FRK: variants seen among roughly 807,000 people sequenced by gnomAD.
The protein encoded by FRK is tyrosine-protein kinase FRK.
A neutral mutation model predicts 56.4 loss-of-function variants in FRK; 51 were observed. The observed-to-expected ratio is 0.90, with a 90% confidence interval of 0.72 to 1.14. FRK has a LOEUF of 1.14. Among genes scored for constraint, FRK ranks in the 50% most tolerant of loss-of-function variants. The pLI, the probability that FRK is intolerant of heterozygous loss-of-function variation, is 0.00. For synonymous variants in FRK, 245 were observed against 217.9 expected (o/e 1.12, Z -1.10); for missense variants, 570 against 601.4 (o/e 0.95, Z 0.55).
At chr6:116,081,911 G>A in the FRK span, among the ~76,000 whole-genome samples, 32 of 152,180 alleles carry the variant, frequency 2.1e-4, no homozygotes, top group African/African-American at 7.5e-4. Flanking sequence ...TATAGTGGGA[G>A]GGGAGAGAAT....
rs1772111533 is a variant in FRK, at chr6:115,939,299, A to C, written c.*3115T>G. ...AATTCAACACCCCTTCATACTAAAA[A>C]CTCTCAATAAACTAGGTATTGATGG... On this transcript the variant is annotated 3_prime_UTR_variant, in exon 8 of 8. Transcript: ENST00000606080. The C allele has an allele frequency of 6.6e-6, 1 of 152,086 alleles. No individual in the cohort carries two copies. The highest frequency in any genetic ancestry group is 1.5e-5 in the Non-Finnish European group (1 of 68,004). 9.4% of individuals were successfully genotyped at this position (152,086 alleles called of 1,614,324 possible). A position where few individuals can be genotyped will look rare whatever the true frequency, so the allele number is the denominator to read the frequency against.
At chr6:116,010,414 G>A (rs990448129) in intron 1 of FRK, among the ~76,000 whole-genome samples, 3 of 152,098 alleles carry the variant, frequency 2.0e-5, no homozygotes, top group African/African-American at 7.2e-5. Flanking sequence ...GGTCAATCAG[G>A]AACATGCTAC....
rs557727758 is a variant in FRK, at chr6:116,022,730, A to T, written c.345-18732T>A. On this transcript the variant is annotated intron_variant, in intron 1 of 7. Coordinates refer to ENST00000606080, the MANE Select transcript of FRK (RefSeq NM_002031.3). ...ACTCAATGGTAAACTAAGAACAGAC[A>T]AGAGCTACAAGCAGTTTTATATACA... is the stretch of plus-strand genomic sequence containing the variant. Among the ~76,000 whole-genome samples the T allele has an allele frequency of 9.8e-5, 15 of 152,306 alleles. No homozygotes were observed. In the South Asian group the frequency reaches 2.9e-3, roughly 29 times the overall value.
In FRK at chr6:115,983,627, C is replaced by T. The variant is rs1209522833; in HGVS notation, c.467-14888G>A. Among the ~76,000 whole-genome samples the T allele has an allele frequency of 2.0e-5, 3 of 152,124 alleles. No homozygotes were observed. In the East Asian group the frequency reaches 5.8e-4, roughly 29 times the overall value. On this transcript the variant is annotated intron_variant, in intron 2 of 7. Coordinates refer to ENST00000606080, the MANE Select transcript of FRK (RefSeq NM_002031.3). ...TTGACTCCTCTCTCTCAATGAATGG[C>T]ACTGCTATTCTGAAACCCAGACATG...
chr6:116,070,024 G>A, the FRK span, among the ~76,000 whole-genome samples: 2 of 151,334 alleles, frequency 1.3e-5, no homozygotes, highest in African/African-American at 2.4e-5. Context: ...TATCACCCAC[G>A]TTTGAAAGCA....
At chr6:115,958,712 A>AAAGAAAGAAGG (rs1562257489) in intron 4 of FRK, among the ~76,000 whole-genome samples, 9 of 16,520 alleles carry the variant, frequency 5.4e-4, no homozygotes, top group African/African-American at 2.2e-3. Flanking sequence ...AAGAAGAAAG[A>AAAGAAAGAAGG]AAGAAAGAAA....
At chr6:115,943,442 T>C (rs1772282762) in intron 6 of FRK, among the ~76,000 whole-genome samples, 1 of 150,908 alleles carries the variant, frequency 6.6e-6, no homozygotes, top group Non-Finnish European at 1.5e-5. Flanking sequence ...TCTACTACAT[T>C]TGGAGAATTA....
chr6:115,997,835 C>G (rs1242496224), intron 2 of FRK, among the ~76,000 whole-genome samples: 1 of 152,172 alleles, frequency 6.6e-6, no homozygotes, highest in African/African-American at 2.4e-5. Context: ...CTAGGCCTGT[C>G]CCACTGTCAC....
chr6:115,946,132 C>T (rs1288564969), intron 5 of FRK, among the ~76,000 whole-genome samples: 1 of 152,052 alleles, frequency 6.6e-6, no homozygotes, highest in Admixed American at 6.6e-5. Flanking sequence ...TATATATCCC[C>T]GTCTCAATAA....
In FRK at chr6:115,942,623, T is replaced by C; in HGVS notation, c.1309A>G (p.Met437Val). The C allele has an allele frequency of 2.5e-6, 4 of 1,612,442 alleles. No individual in the cohort carries two copies. The highest frequency in any genetic ancestry group is 3.4e-6 in the Non-Finnish European group (4 of 1,178,758). ...ATCTGGATTACCTGGGCACCTGTCA[T>C]ACCTTGAAAATACAGAACGAAACCA... ...ITYGKMPYSG[M>V]TGAQVIQMLA... The change falls in exon 8 of 8, where the codon ATG becomes GTG. Residue 437 changes from methionine (M) to valine (V), a missense_variant and splice_region_variant. Met to Val is a conservative substitution (Grantham distance 21). Transcript: ENST00000606080.
At chr6:116,081,676 T>C in the FRK span, among the ~76,000 whole-genome samples, 1 of 151,630 alleles carries the variant, frequency 6.6e-6, no homozygotes. Flanking sequence ...TATATATATA[T>C]ATTCCACAGA....
intron 5 of FRK, 57 bp from the exon 6 acceptor site, chr6:115,944,482 G>A (rs1293651642): frequency 5.2e-5 from 73 of 1,402,624 alleles, no homozygotes; most frequent in Non-Finnish European, 6.9e-5. Context: ...AACTATGAAA[G>A]TGAATTCTGA....
At chr6:116,021,250 C>T (rs930654779) in intron 1 of FRK, among the ~76,000 whole-genome samples, 2 of 150,956 alleles carry the variant, frequency 1.3e-5, no homozygotes, top group African/African-American at 4.9e-5. Context: ...CAAACGTAGA[C>T]CAGTATAAAA....
chr6:116,043,233 C>T (rs897900150), intron 1 of FRK, among the ~76,000 whole-genome samples: 2 of 152,070 alleles, frequency 1.3e-5, no homozygotes, highest in Non-Finnish European at 2.9e-5. Flanking sequence ...CTTGACCAAG[C>T]GGACCTAATA....
At chr6:116,079,899 A>C in the FRK span, among the ~76,000 whole-genome samples, 3 of 152,176 alleles carry the variant, frequency 2.0e-5, no homozygotes, top group African/African-American at 7.2e-5. Flanking sequence ...TTATTCTAAG[A>C]TTATGAAAAT....
chr6:115,995,148 C>A (rs939091635), intron 2 of FRK, among the ~76,000 whole-genome samples: 5 of 152,070 alleles, frequency 3.3e-5, no homozygotes, highest in Non-Finnish European at 5.9e-5. Context: ...GAGTATCTAC[C>A]CAGATTCTAA....
At chr6:116,081,751 ATAT>A in the FRK span, among the ~76,000 whole-genome samples, 2 of 151,534 alleles carry the variant, frequency 1.3e-5, no homozygotes, top group Non-Finnish European at 2.9e-5. Context: ...GGGTCAACTG[ATAT>A]TATTAAGAGA....
rs1771953257 is a variant in FRK at position 115,931,240 on chromosome 6, C to T, written c.*11174G>A. On this transcript the variant is annotated 3_prime_UTR_variant, in exon 8 of 8. Transcript: ENST00000606080. ...TTAAAAGTCAGGGTAAAAATAATCA[C>T]TTTGATATAATTATCATAATAAATC... is the stretch of plus-strand genomic sequence containing the variant. 6.6e-6 allele frequency: 1 copy of T among 152,102 alleles called. No homozygotes were observed. Among genetic ancestry groups the T allele is most frequent in the Admixed American group, 6.5e-5 (1 of 15,268 alleles). 9.4% of individuals were successfully genotyped at this position (152,102 alleles called of 1,614,324 possible). A position where few individuals can be genotyped will look rare whatever the true frequency, so the allele number is the denominator to read the frequency against.
the FRK span, among the ~76,000 whole-genome samples, chr6:116,097,011 A>G: frequency 6.6e-6 from 1 of 152,160 alleles, no homozygotes; most frequent in Non-Finnish European, 1.5e-5. Flanking sequence ...AAATTCACAC[A>G]CCAAAAAACC....
Sources: allele counts gnomAD v4.1 joint callset (sites outside exome capture counted in the v4.1 genomes callset), GRCh38; gene constraint gnomAD v4.1.1; transcripts MANE v1.5; gene names NCBI Gene and HGNC (gene_info 2026-07-23, HGNC 2026-07-21).